SAMMSON: variants seen among roughly 807,000 people sequenced by gnomAD.
SAMMSON encodes survival associated mitochondrial melanoma specific oncogenic non-coding RNA.
chr3:70,240,019 T>C (rs141987979), intron 4 of SAMMSON, among the ~76,000 whole-genome samples: 1 of 152,130 alleles, frequency 6.6e-6, no homozygotes, highest in African/African-American at 2.4e-5. Context: ...TGATGAGAAG[T>C]AAAAATAGGT....
At chr3:70,141,234 A>G (rs2067526420) in intron 4 of SAMMSON, among the ~76,000 whole-genome samples, 1 of 152,204 alleles carries the variant, frequency 6.6e-6, no homozygotes, top group South Asian at 2.1e-4. Context: ...AAATTGGCTC[A>G]CACAATCATG....
chr3:70,238,389 A>T (rs571797255), intron 4 of SAMMSON, among the ~76,000 whole-genome samples: 1 of 152,196 alleles, frequency 6.6e-6, no homozygotes, highest in South Asian at 2.1e-4. Flanking sequence ...CAAGAGGATC[A>T]TTTGAGCCCA....
chr3:70,235,707 G>A (rs1451005224), intron 4 of SAMMSON, among the ~76,000 whole-genome samples: 3 of 152,158 alleles, frequency 2.0e-5, no homozygotes, highest in Non-Finnish European at 4.4e-5. Flanking sequence ...TCTGGTGGCA[G>A]ACAAAGTTGG....
chr3:70,395,137 T>C (rs1316451989), intron 2 of SAMMSON, among the ~76,000 whole-genome samples: 1 of 152,118 alleles, frequency 6.6e-6, no homozygotes, highest in Non-Finnish European at 1.5e-5. Context: ...AACATACCTT[T>C]TTTCAGGCCC....
intron 4 of SAMMSON, among the ~76,000 whole-genome samples, chr3:70,208,102 G>A (rs1486174997): frequency 6.6e-6 from 1 of 152,052 alleles, no homozygotes; most frequent in Non-Finnish European, 1.5e-5. Flanking sequence ...ACTGGGTCAT[G>A]GTGCAGTTAG....
chr3:70,035,566 G>A (rs1334663598), intron 3 of SAMMSON, among the ~76,000 whole-genome samples: 1 of 152,072 alleles, frequency 6.6e-6, no homozygotes, highest in Non-Finnish European at 1.5e-5. Context: ...ATGCAACTCC[G>A]GGAGTACCAA....
At chr3:70,181,710 A>G (rs1701054565) in intron 4 of SAMMSON, among the ~76,000 whole-genome samples, 1 of 152,212 alleles carries the variant, frequency 6.6e-6, no homozygotes, top group South Asian at 2.1e-4. Context: ...ACAAGATTCC[A>G]GGGTAATTTC....
At chr3:70,027,756 A>G (rs941589203) in intron 3 of SAMMSON, among the ~76,000 whole-genome samples, 2 of 152,170 alleles carry the variant, frequency 1.3e-5, no homozygotes, top group African/African-American at 2.4e-5. Flanking sequence ...AGGTGCTCCT[A>G]TAATGTATTG....
chr3:70,005,679 C>T (rs1404554994), intron 1 of SAMMSON, among the ~76,000 whole-genome samples: 1 of 152,122 alleles, frequency 6.6e-6, no homozygotes, highest in African/African-American at 2.4e-5. Flanking sequence ...CATGCAGGTA[C>T]AGGGTGGGAA....
At chr3:70,373,593 A>T (rs1184351181) in intron 9 of SAMMSON, among the ~76,000 whole-genome samples, 2 of 152,168 alleles carry the variant, frequency 1.3e-5, no homozygotes, top group East Asian at 3.9e-4. Context: ...AACTCTGATA[A>T]CACAGAAGTT....
intron 4 of SAMMSON, among the ~76,000 whole-genome samples, chr3:70,090,691 G>A (rs1327875919): frequency 6.6e-6 from 1 of 150,936 alleles, no homozygotes; most frequent in Non-Finnish European, 1.5e-5. Flanking sequence ...CATACCCTAG[G>A]GCCTACTGTA....
chr3:70,344,760 G>A (rs1702738331), intron 7 of SAMMSON, among the ~76,000 whole-genome samples: 1 of 152,128 alleles, frequency 6.6e-6, no homozygotes, highest in African/African-American at 2.4e-5. Flanking sequence ...AGTGTGAACG[G>A]CTGAACAGAG....
intron 4 of SAMMSON, among the ~76,000 whole-genome samples, chr3:70,200,573 A>C (rs2106719591): frequency 6.6e-6 from 1 of 152,194 alleles, no homozygotes; most frequent in South Asian, 2.1e-4. Flanking sequence ...CTTCCCTTTA[A>C]ATCACATCCT....
chr3:70,348,426 G>A (rs893524676), intron 7 of SAMMSON, among the ~76,000 whole-genome samples: 3 of 152,062 alleles, frequency 2.0e-5, no homozygotes, highest in East Asian at 1.9e-4. Flanking sequence ...TCTTGGTAAG[G>A]GCCTGCTCTC....
At chr3:70,166,816 T>G (rs1171571257) in intron 4 of SAMMSON, among the ~76,000 whole-genome samples, 2 of 151,918 alleles carry the variant, frequency 1.3e-5, no homozygotes. Context: ...ATGTCCATGG[T>G]TTGTACAATA....
At chr3:70,308,848 A>G (rs557860214) in intron 7 of SAMMSON, among the ~76,000 whole-genome samples, 1 of 152,216 alleles carries the variant, frequency 6.6e-6, no homozygotes, top group South Asian at 2.1e-4. Context: ...TCACTCTGAA[A>G]TCAAGCAGTG....
At chr3:70,068,468 T>C (rs532493952) in intron 3 of SAMMSON, 2 of 152,212 alleles carry the variant, frequency 1.3e-5, no homozygotes, top group Non-Finnish European at 2.9e-5. Flanking sequence ...CAGCTCCAAG[T>C]GATTTATCAT....
intron 4 of SAMMSON, among the ~76,000 whole-genome samples, chr3:70,171,033 A>G (rs1165668885): frequency 6.6e-6 from 1 of 151,924 alleles, no homozygotes; most frequent in African/African-American, 2.4e-5. Context: ...TAACTTTAAG[A>G]AAAATCATCG....
chr3:70,021,977 G>A (rs1182716127), intron 3 of SAMMSON, among the ~76,000 whole-genome samples: 1 of 152,026 alleles, frequency 6.6e-6, no homozygotes, highest in African/African-American at 2.4e-5. Context: ...AAGACTTTGA[G>A]GTCTAAACCT....
Sources: gnomAD v4.1 joint callset for allele counts (sites outside exome capture counted in the v4.1 genomes callset) on GRCh38, gnomAD v4.1.1 for gene constraint, MANE v1.5 for transcripts, NCBI Gene and HGNC (gene_info 2026-07-23, HGNC 2026-07-21) for gene names.